GOLIM4: variants seen among roughly 807,000 people sequenced by gnomAD.
GOLIM4 encodes the protein 130 kDa golgi-localized phosphoprotein.
Under a neutral mutation model 107.4 loss-of-function variants are expected in GOLIM4, and 71 were observed. The observed-to-expected ratio is 0.66, with a 90% CI of 0.55 to 0.81. The LOEUF (loss-of-function observed/expected upper bound fraction) is 0.81, where lower values mean the gene tolerates loss of function less well. Among genes scored for constraint, GOLIM4 ranks in the 30% least tolerant of loss-of-function variants. The pLI, the probability that GOLIM4 is intolerant of heterozygous loss-of-function variation, is 0.00. For synonymous variants in GOLIM4, 327 were observed against 294.8 expected, an observed-to-expected ratio of 1.11 and a Z score of -1.12; for missense variants, 830 against 826.1, an observed-to-expected ratio of 1.00 and a Z score of -0.06.
At position 168,095,683 on chromosome 3, in the gene GOLIM4, C is replaced by G. The variant is rs1441637798; in HGVS notation, c.-398G>C. 5.3e-6 allele frequency: 1 copy of G among 189,860 alleles called. No homozygotes were observed. Among genetic ancestry groups the G allele is most frequent in the Non-Finnish European group, 1.1e-5 (1 of 92,872 alleles). The allele number at this position is 189,860 out of a possible 1,614,324, so 11.8% of individuals were successfully genotyped here. A position where few individuals can be genotyped will look rare whatever the true frequency, so the allele number is the denominator to read the frequency against. On this transcript the variant is annotated 5_prime_UTR_variant, in exon 1 of 16. Coordinates refer to ENST00000470487, the MANE Select transcript of GOLIM4 (RefSeq NM_014498.5). ...AGTCCCGCCCTGGCCACTCCCCGCC[C>G]TATCGCGGCGGCTCCCACTGCACGA...
intron 14 of GOLIM4, among the ~76,000 whole-genome samples, chr3:168,015,927 C>T (rs1005001801): frequency 0.013 from 1,742 of 134,116 alleles, 419 homozygotes; most frequent in African/African-American, 0.064. Context: ...AGACCTAAAA[C>T]CATAAAAACC....
At chr3:168,088,232 T>A (rs1721723249) in intron 1 of GOLIM4, among the ~76,000 whole-genome samples, 1 of 152,044 alleles carries the variant, frequency 6.6e-6, no homozygotes, top group African/African-American at 2.4e-5. Flanking sequence ...AGTGAGAATA[T>A]CTTAATCAAA....
chr3:168,065,976 G>A (rs1720522858), intron 1 of GOLIM4, among the ~76,000 whole-genome samples: 1 of 152,178 alleles, frequency 6.6e-6, no homozygotes, highest in Admixed American at 6.5e-5. Flanking sequence ...TGGTTTAGAA[G>A]ACAAGGATAC....
intron 14 of GOLIM4, among the ~76,000 whole-genome samples, chr3:168,016,071 C>G (rs1167883248): frequency 1.5e-5 from 2 of 134,404 alleles, no homozygotes; most frequent in Middle Eastern, 3.4e-3. Flanking sequence ...AGCTTCTGCA[C>G]AGCAAAACAA....
intron 1 of GOLIM4, among the ~76,000 whole-genome samples, chr3:168,049,390 G>A (rs1485760096): frequency 6.6e-6 from 1 of 152,196 alleles, no homozygotes; most frequent in Non-Finnish European, 1.5e-5. Flanking sequence ...AAGCAAACAA[G>A]TTTGTCTAAG....
At chr3:168,037,566 A>G (rs1157469525) in intron 7 of GOLIM4, among the ~76,000 whole-genome samples, 1 of 152,068 alleles carries the variant, frequency 6.6e-6, no homozygotes, top group Non-Finnish European at 1.5e-5. Flanking sequence ...TGTTTCCTAC[A>G]CTGTGCTCTG....
Position 168,055,963 on chromosome 3 carries a change from G to A in GOLIM4, c.188-7598C>T, listed in dbSNP as rs375279970. 5.5e-4 allele frequency among the ~76,000 whole-genome samples: 84 copies of A among 152,208 alleles called. 2 individuals carry two copies. In the East Asian group the frequency reaches 7.9e-3, roughly 14 times the overall value. Reference sequence around the variant, plus strand: ...ATCCAAGCTGGCTGCAGAAATTTGCGTAAGTAACTAGGAGCCAAATGTTAA... The same window carrying A: ...ATCCAAGCTGGCTGCAGAAATTTGCATAAGTAACTAGGAGCCAAATGTTAA... On this transcript the variant is annotated intron_variant, in intron 1 of 15. Coordinates refer to ENST00000470487, the MANE Select transcript of GOLIM4 (RefSeq NM_014498.5).
At chr3:168,041,171 G>A in intron 6 of GOLIM4, 3 of 517,904 alleles carry the variant, frequency 5.8e-6, no homozygotes, top group Admixed American at 3.5e-5. Flanking sequence ...TAACTAGCAT[G>A]AGAATAATTT....
intron 1 of GOLIM4, among the ~76,000 whole-genome samples, chr3:168,075,729 T>C (rs530576905): frequency 6.6e-6 from 1 of 152,306 alleles, no homozygotes; most frequent in Non-Finnish European, 1.5e-5. Flanking sequence ...TTCTATCATA[T>C]GCATAAAAAG....
chr3:168,047,570 T>C (rs1368856395), intron 2 of GOLIM4, among the ~76,000 whole-genome samples: 2 of 152,210 alleles, frequency 1.3e-5, no homozygotes, highest in African/African-American at 2.4e-5. Context: ...TAACCAATAC[T>C]GCCCCTCCTC....
At chr3:168,062,642 T>A (rs1484648019) in intron 1 of GOLIM4, among the ~76,000 whole-genome samples, 1 of 152,168 alleles carries the variant, frequency 6.6e-6, no homozygotes, top group Non-Finnish European at 1.5e-5. Flanking sequence ...CACCCAGTAA[T>A]AGCAGAGGCT....
At position 168,009,045 on chromosome 3, in the gene GOLIM4, A is replaced by C. The variant is rs1716833168; in HGVS notation, c.*1224T>G. On this transcript the variant is annotated 3_prime_UTR_variant, in exon 16 of 16. Transcript: ENST00000470487. ...TTAATTTGATTATTAATACAAAACCACACATATATGAATTATATAACCTAG... is the reference window on the plus strand; with the variant it reads ...TTAATTTGATTATTAATACAAAACCCCACATATATGAATTATATAACCTAG... 1 of 152,162 alleles carries C rather than the reference A, an allele frequency of 6.6e-6. No homozygotes were observed. Among genetic ancestry groups the C allele is most frequent in the Non-Finnish European group, 1.5e-5 (1 of 67,998 alleles). 9.4% of individuals were successfully genotyped at this position (152,162 alleles called of 1,614,324 possible). A position where few individuals can be genotyped will look rare whatever the true frequency, so the allele number is the denominator to read the frequency against.
intron 1 of GOLIM4, among the ~76,000 whole-genome samples, chr3:168,092,986 T>C (rs562198924): frequency 1.1e-4 from 17 of 152,320 alleles, no homozygotes; most frequent in Admixed American, 7.2e-4. Flanking sequence ...AAGCCACTTA[T>C]TCAAATTAGG....
At chr3:168,027,407 G>A (rs1301540088) in intron 12 of GOLIM4, among the ~76,000 whole-genome samples, 6 of 151,322 alleles carry the variant, frequency 4.0e-5, no homozygotes, top group South Asian at 2.1e-4. Flanking sequence ...AGCTTTCAGA[G>A]TTACTACATA....
rs759836055 is a variant in GOLIM4, at chr3:168,095,153, C to T, written c.133G>A (p.Ala45Thr). Reference protein sequence around the residue: ...ELQTQLRKAEAVALKYQQHQE... With the variant: ...ELQTQLRKAETVALKYQQHQE... ...TGCTGCTGGTACTTGAGCGCCACCGCCTCGGCTTTCCGCAGCTGCGTCTGC... is the reference window on the plus strand; with the variant it reads ...TGCTGCTGGTACTTGAGCGCCACCGTCTCGGCTTTCCGCAGCTGCGTCTGC... The change falls in exon 1 of 16, where the codon GCG (alanine) becomes ACG (threonine). Residue 45 changes from alanine (A) to threonine (T), a missense_variant. Coordinates refer to ENST00000470487, the MANE Select transcript of GOLIM4 (RefSeq NM_014498.5). The T allele has an allele frequency of 1.2e-6, 2 of 1,611,810 alleles. No homozygotes were observed. The highest frequency in any genetic ancestry group is 1.7e-6 in the Non-Finnish European group (2 of 1,178,492).
intron 1 of GOLIM4, among the ~76,000 whole-genome samples, chr3:168,051,291 AC>A (rs142734554): frequency 0.17 from 25,390 of 152,038 alleles, 2,389 homozygotes; most frequent in Middle Eastern, 0.24. Context: ...GGAAGATAAT[AC>A]CCTGACAGCT....
intron 1 of GOLIM4, among the ~76,000 whole-genome samples, chr3:168,075,932 A>G (rs1721064394): frequency 1.3e-5 from 2 of 152,152 alleles, no homozygotes; most frequent in South Asian, 4.1e-4. Flanking sequence ...TCACTTGCTC[A>G]CTCTCACATA....
intron 1 of GOLIM4, among the ~76,000 whole-genome samples, chr3:168,055,022 T>C (rs1181182404): frequency 6.6e-6 from 1 of 152,206 alleles, no homozygotes. Context: ...TCCCAAGCCA[T>C]GTGGAACTGT....
chr3:168,095,065 T>G, intron 1 of GOLIM4, 34 bp downstream of exon 1: 1 of 1,552,910 alleles, frequency 6.4e-7, no homozygotes, highest in South Asian at 1.1e-5. Context: ...GGGGCAAAGT[T>G]GGCCACCGGC....
Sources: allele counts gnomAD v4.1 joint callset (sites outside exome capture counted in the v4.1 genomes callset), GRCh38; gene constraint gnomAD v4.1.1; transcripts MANE v1.5; gene names NCBI Gene and HGNC (gene_info 2026-07-23, HGNC 2026-07-21).